The following TEX10 variants were observed in gnomAD, a reference collection of about 807,000 sequenced individuals.
TEX10 encodes the protein testis-expressed protein 10.
TEX10 carries 24 observed loss-of-function variants against 104.4 expected under a neutral mutation model. The ratio of observed to expected loss-of-function variants is 0.23; its 90% CI spans 0.17 to 0.32. The LOEUF is 0.32. TEX10 is among the 10% of genes least tolerant of loss of function. The pLI is 1.00. For synonymous variants in TEX10, 396 were observed against 393.4 expected (o/e 1.01, Z -0.08); for missense variants, 921 against 1,083.9 (o/e 0.85, Z 2.11).
intron 4 of TEX10, among the ~76,000 whole-genome samples, chr9:100,341,349 A>G (rs1835166354): frequency 6.6e-6 from 1 of 152,200 alleles, no homozygotes; most frequent in Non-Finnish European, 1.5e-5. Flanking sequence ...CTGCCCAGTA[A>G]TAATACTTGA....
intron 5 of TEX10, among the ~76,000 whole-genome samples, chr9:100,334,174 A>T (rs950793006): frequency 2.0e-5 from 3 of 152,120 alleles, no homozygotes; most frequent in African/African-American, 7.2e-5. Context: ...CTAAATCCCA[A>T]GCAGAATAAA....
At chr9:100,302,523 T>C (rs994505592) in intron 14 of TEX10, among the ~76,000 whole-genome samples, 1 of 152,216 alleles carries the variant, frequency 6.6e-6, no homozygotes, top group Non-Finnish European at 1.5e-5. Context: ...TAATGGTTTC[T>C]TGTTAAGTCT....
intron 11 of TEX10, among the ~76,000 whole-genome samples, chr9:100,319,653 A>C (rs1834514898): frequency 6.6e-6 from 1 of 151,892 alleles, no homozygotes; most frequent in Non-Finnish European, 1.5e-5. Flanking sequence ...AAAAATACAA[A>C]AAATTAGCCA....
At chr9:100,319,553 C>T (rs1834511559) in intron 11 of TEX10, among the ~76,000 whole-genome samples, 2 of 152,134 alleles carry the variant, frequency 1.3e-5, no homozygotes, top group Middle Eastern at 6.8e-3. Flanking sequence ...GCCTGTAATC[C>T]CAGCACTTTG....
chr9:100,311,833 T>C (rs1364422264), intron 11 of TEX10, among the ~76,000 whole-genome samples: 1 of 152,062 alleles, frequency 6.6e-6, no homozygotes, highest in Admixed American at 6.6e-5. Context: ...ATGAAATATG[T>C]AAAAACATCA....
At chr9:100,341,670 T>A (rs1280766111) in intron 4 of TEX10, among the ~76,000 whole-genome samples, 1 of 152,116 alleles carries the variant, frequency 6.6e-6, no homozygotes, top group African/African-American at 2.4e-5. Context: ...TCTGCCTGTT[T>A]CTCCTCTTAT....
intron 5 of TEX10, among the ~76,000 whole-genome samples, chr9:100,340,010 A>G (rs1564217818): frequency 6.6e-6 from 1 of 152,180 alleles, no homozygotes; most frequent in Non-Finnish European, 1.5e-5. Flanking sequence ...ATTCGTATTT[A>G]CATAAGCTGA....
At chr9:100,348,283 C>T (rs1009697011) in intron 2 of TEX10, among the ~76,000 whole-genome samples, 9 of 152,150 alleles carry the variant, frequency 5.9e-5, no homozygotes, top group Non-Finnish European at 1.3e-4. Context: ...AGAAGTGATT[C>T]CTAATGGGTA....
chr9:100,339,274 A>AAAAAAAATAT (rs1835101688), intron 5 of TEX10, among the ~76,000 whole-genome samples: 2 of 91,702 alleles, frequency 2.2e-5, no homozygotes, highest in African/African-American at 9.2e-5. Context: ...AAAAAAAAAA[A>AAAAAAAATAT]GTATATATAT....
intron 11 of TEX10, 92 bp from the exon 12 acceptor site, chr9:100,310,471 C>G: frequency 8.3e-7 from 1 of 1,208,704 alleles, no homozygotes; most frequent in South Asian, 1.4e-5. Flanking sequence ...CAGAGTTTCA[C>G]TCTGTCGCCC....
chr9:100,348,815 G>A (rs960575157), intron 2 of TEX10, among the ~76,000 whole-genome samples: 1 of 152,152 alleles, frequency 6.6e-6, no homozygotes. Flanking sequence ...GGAGGCTGAA[G>A]TAGGAGGATC....
At chr9:100,343,642 C>A (rs1835227526) in intron 4 of TEX10, among the ~76,000 whole-genome samples, 1 of 150,720 alleles carries the variant, frequency 6.6e-6, no homozygotes, top group African/African-American at 2.4e-5. Flanking sequence ...AATTTCTTGA[C>A]TTTTTGTAAA....
chr9:100,347,100 CT>C lies in TEX10; in HGVS notation c.486del (p.Val163PhefsTer12). ...TACTGTTCCAGCAGAATGTCCAAAA[CT>C]TTTAAAGAGTCCTCCTGAATTCCTT... ...ITEGIQEDSL[K>X]VLDILLEQYP... On this transcript the variant is annotated frameshift_variant, in exon 3 of 15. Coordinates refer to ENST00000374902, the MANE Select transcript of TEX10 (RefSeq NM_017746.4). LOFTEE classifies it high-confidence loss of function. 6.2e-7 allele frequency: 1 copy of C among 1,614,154 alleles called. No homozygotes were observed. The highest frequency in any genetic ancestry group is 8.5e-7 in the Non-Finnish European group (1 of 1,180,026).
At chr9:100,339,245 CAAAAAAAAAAAAAAAA>C (rs1182764934) in intron 5 of TEX10, among the ~76,000 whole-genome samples, 1,495 of 29,532 alleles carry the variant, frequency 0.051, 52 homozygotes, top group African/African-American at 0.17. Flanking sequence ...GACTCCATCT[CAAAAAAAAAAAAAAAA>C]AAAAAAAAAA....
chr9:100,316,162 T>C (rs1004542274), intron 11 of TEX10, among the ~76,000 whole-genome samples: 8 of 152,074 alleles, frequency 5.3e-5, no homozygotes, highest in Non-Finnish European at 1.0e-4. Context: ...TAAAAGCACA[T>C]CAAAGATAAT....
chr9:100,344,263 A>C (rs1378266300), intron 4 of TEX10, among the ~76,000 whole-genome samples: 7 of 152,194 alleles, frequency 4.6e-5, no homozygotes, highest in Non-Finnish European at 1.0e-4. Flanking sequence ...TTATATGTTA[A>C]TGAGCTGCTA....
At chr9:100,351,071 A>G (rs1835429374) in intron 1 of TEX10, among the ~76,000 whole-genome samples, 1 of 152,124 alleles carries the variant, frequency 6.6e-6, no homozygotes, top group African/African-American at 2.4e-5. Flanking sequence ...AGGACATACC[A>G]AGCCCGGTAC....
At chr9:100,324,994 A>G (rs1012069915) in intron 9 of TEX10, among the ~76,000 whole-genome samples, 7 of 152,234 alleles carry the variant, frequency 4.6e-5, no homozygotes, top group Non-Finnish European at 1.0e-4. Flanking sequence ...TCTAATGTGC[A>G]TATACAAGGA....
intron 1 of TEX10, among the ~76,000 whole-genome samples, chr9:100,350,442 T>C (rs528245367): frequency 1.3e-5 from 2 of 152,298 alleles, no homozygotes; most frequent in South Asian, 4.1e-4. Flanking sequence ...CTTCCTAATG[T>C]GGCCCCATCC....
Sources: gnomAD v4.1 joint callset for allele counts (sites outside exome capture counted in the v4.1 genomes callset) on GRCh38, gnomAD v4.1.1 for gene constraint, MANE v1.5 for transcripts, NCBI Gene and HGNC (gene_info 2026-07-23, HGNC 2026-07-21) for gene names.